Variants in ANO4 observed in about 807,000 individuals in gnomAD.
ANO4 encodes anoctamin 4.
ANO4 carries 69 observed loss-of-function variants against 141.9 expected under a neutral mutation model. The observed-to-expected ratio is 0.49, with a 90% CI of 0.40 to 0.59. The LOEUF (loss-of-function observed/expected upper bound fraction) is 0.59. Among genes scored for constraint, ANO4 ranks in the 20% least tolerant of loss-of-function variants. The probability of loss-of-function intolerance (pLI) is 0.00; values close to 1 mark genes in which losing one functional copy is unlikely to be tolerated. For synonymous variants in ANO4, 350 were observed against 394.3 expected, an observed-to-expected ratio of 0.89 and a Z score of 1.33; for missense variants, 894 against 1,162.2, an observed-to-expected ratio of 0.77 and a Z score of 3.36.
At chr12:100,745,198 C>T (rs765551861) in intron 3 of ANO4, among the ~76,000 whole-genome samples, 5 of 152,176 alleles carry the variant, frequency 3.3e-5, no homozygotes, top group Non-Finnish European at 7.3e-5. Context: ...CTTTACTGTT[C>T]CCTAAAAGCT....
intron 13 of ANO4, among the ~76,000 whole-genome samples, chr12:101,045,487 T>G (rs1461957355): frequency 2.6e-5 from 4 of 152,172 alleles, no homozygotes; most frequent in Non-Finnish European, 5.9e-5. Context: ...AGGGTTTCCT[T>G]TAGAAATATT....
chr12:101,090,515 G>A (rs373110646), intron 17 of ANO4, among the ~76,000 whole-genome samples: 6 of 152,066 alleles, frequency 3.9e-5, no homozygotes, highest in East Asian at 1.9e-4. Flanking sequence ...ACCAAACACC[G>A]CATGTTCTCA....
At chr12:101,111,439 TGTCA>T in intron 23 of ANO4, 120 bp from the exon 24 acceptor site, 4 of 878,578 alleles carry the variant, frequency 4.6e-6, no homozygotes, top group Non-Finnish European at 6.6e-6. Context: ...TGGTTGCAAC[TGTCA>T]GTATTTGGAA....
In ANO4 at chr12:101,042,450, T is replaced by G. The variant is rs776105850; in HGVS notation, c.1136T>G (p.Leu379Arg). Residue 379 changes from leucine to arginine, a missense_variant, in exon 12 of 28, where the codon CTG (leucine) becomes CGG (arginine). Around this residue, in one of 2 missense-constraint regions of ANO4, gnomAD observed 637 missense variants for 909.2 expected, o/e 0.70. Transcript: ENST00000392977. The stretch of plus-strand genomic sequence containing the variant: ...GTCTTTTTGTATGGCGTCACCACTC[T>G]GGATCACAGCCAAGTCAGGTACGGG... ...LFVFLYGVTT[L>R]DHSQVSKEVC... The G allele has an allele frequency of 6.8e-6, 11 of 1,614,162 alleles. No homozygotes were observed. Among genetic ancestry groups the G allele is most frequent in the Non-Finnish European group, 9.3e-6 (11 of 1,180,008 alleles).
chr12:100,940,924 A>G (rs2042484008), intron 4 of ANO4, among the ~76,000 whole-genome samples: 2 of 152,166 alleles, frequency 1.3e-5, no homozygotes, highest in South Asian at 4.1e-4. Flanking sequence ...ACTTTTTAAT[A>G]TTACTGCAAA....
At chr12:101,028,145 A>G (rs946187400) in intron 9 of ANO4, among the ~76,000 whole-genome samples, 1 of 152,212 alleles carries the variant, frequency 6.6e-6, no homozygotes, top group African/African-American at 2.4e-5. Context: ...ATCAATAACA[A>G]AAGAAGTCCT....
At position 101,058,656 on chromosome 12, in the gene ANO4, C is replaced by T. The variant is rs144495141; in HGVS notation, c.1312+10255C>T. On this transcript the variant is annotated intron_variant, in intron 14 of 27. Coordinates refer to ENST00000392977, the MANE Select transcript of ANO4 (RefSeq NM_001286615.2). ...ATGGGAGTTCATTCATGATTTGGCT[C>T]TCTGTTTATCTGTTCTTGGTGTATA... Among the ~76,000 whole-genome samples, 847 of 152,050 alleles carry T rather than the reference C, an allele frequency of 5.6e-3. 13 individuals are homozygous for T. Among genetic ancestry groups the T allele is most frequent in the African/African-American group, 0.02 (815 of 41,466 alleles).
intron 9 of ANO4, among the ~76,000 whole-genome samples, chr12:101,028,575 T>A (rs543766701): frequency 3.4e-4 from 52 of 152,086 alleles, no homozygotes; most frequent in Admixed American, 1.2e-3. Context: ...AGAAAGGATA[T>A]CAGAGTTTGA....
intron 3 of ANO4, among the ~76,000 whole-genome samples, chr12:100,937,145 G>A (rs2042318702): frequency 1.3e-5 from 2 of 152,192 alleles, no homozygotes; most frequent in African/African-American, 4.8e-5. Context: ...GAGGAAAAGG[G>A]CTCTCAGATA....
intron 5 of ANO4, among the ~76,000 whole-genome samples, chr12:100,961,756 G>T (rs752904717): frequency 2.0e-5 from 3 of 152,132 alleles, no homozygotes; most frequent in Non-Finnish European, 2.9e-5. Flanking sequence ...ACTTTCCACA[G>T]TCAGCACATC....
chr12:100,809,399 AAG>A (rs1555222278), intron 1 of ANO4, among the ~76,000 whole-genome samples: 3 of 151,838 alleles, frequency 2.0e-5, no homozygotes, highest in African/African-American at 7.3e-5. Flanking sequence ...AAAAAAAAAA[AAG>A]GGTAATGTGC....
intron 3 of ANO4, among the ~76,000 whole-genome samples, chr12:100,772,276 A>G (rs1480454626): frequency 6.6e-6 from 1 of 152,166 alleles, no homozygotes; most frequent in Non-Finnish European, 1.5e-5. Flanking sequence ...TGAGTTATGC[A>G]ATATGTATTT....
At chr12:101,040,550 G>C (rs2047372476) in intron 11 of ANO4, among the ~76,000 whole-genome samples, 1 of 152,210 alleles carries the variant, frequency 6.6e-6, no homozygotes, top group South Asian at 2.1e-4. Flanking sequence ...TTAATCTGCA[G>C]ATCAAAAAGT....
chr12:100,953,011 C>T (rs909649259), intron 5 of ANO4, among the ~76,000 whole-genome samples: 1 of 152,284 alleles, frequency 6.6e-6, no homozygotes, highest in Non-Finnish European at 1.5e-5. Context: ...AGCTGAAAAA[C>T]TCAAGTCATT....
Position 100,984,499 on chromosome 12 carries a change from ATCTG to A in ANO4, c.603-3035_603-3032del, listed in dbSNP as rs553249527. The stretch of plus-strand genomic sequence containing the variant: ...TAAGAAATTATTAATAATGCTTGCT[ATCTG>A]TCTGGCAGCTTCTCCAAAGCATTTC... On this transcript the variant is annotated intron_variant, in intron 7 of 27. Transcript: ENST00000392977. Among the ~76,000 whole-genome samples the A allele has an allele frequency of 1.2e-4, 18 of 152,328 alleles. 1 individual carries two copies. In the South Asian group the frequency reaches 3.7e-3, roughly 32 times the overall value.
chr12:101,076,622 G>A (rs767694469), intron 14 of ANO4, among the ~76,000 whole-genome samples: 2 of 151,208 alleles, frequency 1.3e-5, no homozygotes, highest in African/African-American at 2.5e-5. Context: ...TTGGTAGGGC[G>A]TAGTGAGAGC....
chr12:101,029,637 C>A (rs2046886829), intron 9 of ANO4, among the ~76,000 whole-genome samples: 1 of 151,778 alleles, frequency 6.6e-6, no homozygotes, highest in Admixed American at 6.6e-5. Flanking sequence ...GTTGGCTGGG[C>A]ATGGTGGCTC....
intron 5 of ANO4, among the ~76,000 whole-genome samples, chr12:100,961,493 G>A (rs926417545): frequency 2.0e-5 from 3 of 152,132 alleles, no homozygotes; most frequent in African/African-American, 7.2e-5. Context: ...TCACTGCAAC[G>A]AGCTGACCTG....
chr12:101,077,205 A>ATTTC (rs2049056414), intron 14 of ANO4, among the ~76,000 whole-genome samples: 1 of 152,314 alleles, frequency 6.6e-6, no homozygotes, highest in Middle Eastern at 3.4e-3. Context: ...GTCAAACAGC[A>ATTTC]TTTCACATGT....
Sources: allele counts gnomAD v4.1 joint callset (sites outside exome capture counted in the v4.1 genomes callset), GRCh38; gene constraint gnomAD v4.1.1; regional missense constraint gnomAD v4.1.1; transcripts MANE v1.5; gene names NCBI Gene and HGNC (gene_info 2026-07-23, HGNC 2026-07-21).